Variants in MOCOS observed in about 807,000 individuals in gnomAD.
MOCOS encodes the protein human molybdenum cofactor sulfurase.
In MOCOS, 86 loss-of-function variants were observed where a neutral mutation model predicts 83.6. The ratio of observed to expected loss-of-function variants is 1.03; its 90% confidence interval spans 0.86 to 1.23. The LOEUF (loss-of-function observed/expected upper bound fraction) is 1.23, where lower values mean the gene tolerates loss of function less well. Ranked by LOEUF, MOCOS falls within the 50% of genes most tolerant of loss-of-function variation. MOCOS has a pLI of 0.00. For missense variants in MOCOS, 1,120 were observed against 1,126.9 expected (o/e 0.99, Z 0.09); for synonymous variants, 445 against 434.7 (o/e 1.02, Z -0.29).
chr18:36,247,830 C>T (rs980876797), intron 9 of MOCOS, among the ~76,000 whole-genome samples: 20 of 152,158 alleles, frequency 1.3e-4, no homozygotes, highest in African/African-American at 4.3e-4. Flanking sequence ...GTTCCTGCAG[C>T]GGTTCATGCA....
chr18:36,208,852 G>A (rs888881270), intron 6 of MOCOS, among the ~76,000 whole-genome samples: 3 of 152,184 alleles, frequency 2.0e-5, no homozygotes, highest in African/African-American at 7.2e-5. Flanking sequence ...GGTGAGAGAG[G>A]TCATCCTTAT....
intron 13 of MOCOS, among the ~76,000 whole-genome samples, chr18:36,264,702 T>G (rs116632098): frequency 0.019 from 2,825 of 152,154 alleles, 96 homozygotes; most frequent in African/African-American, 0.064. Context: ...CCTGGGAATC[T>G]TGACTTCGGT....
intron 7 of MOCOS, among the ~76,000 whole-genome samples, chr18:36,214,094 A>G (rs1446527451): frequency 2.0e-5 from 3 of 151,696 alleles, no homozygotes; most frequent in African/African-American, 7.3e-5. Flanking sequence ...ATATAAAATT[A>G]TCCAGGTGTG....
intron 12 of MOCOS, 118 bp downstream of exon 12, chr18:36,257,191 T>G (rs1230679966): frequency 8.9e-6 from 8 of 898,238 alleles, no homozygotes; most frequent in Admixed American, 1.8e-5. Context: ...CCCTGCTTCA[T>G]GTACAGATGA....
chr18:36,249,905 G>A (rs2144138962), intron 10 of MOCOS, among the ~76,000 whole-genome samples: 1 of 152,234 alleles, frequency 6.6e-6, no homozygotes, highest in Admixed American at 6.5e-5. Flanking sequence ...TATCTAATCT[G>A]GTTTGCTGAT....
At chr18:36,213,558 G>A (rs2144914370) in intron 7 of MOCOS, 76 bp downstream of exon 7, 3 of 1,189,128 alleles carry the variant, frequency 2.5e-6, no homozygotes, top group Middle Eastern at 5.3e-4. Context: ...TGTGTCTGGG[G>A]TGGGGGCTGC....
At chr18:36,255,286 C>T (rs954406545) in intron 11 of MOCOS, among the ~76,000 whole-genome samples, 5 of 152,112 alleles carry the variant, frequency 3.3e-5, no homozygotes, top group African/African-American at 1.2e-4. Context: ...TCACTCAAAC[C>T]TTGCTTCTGA....
intron 13 of MOCOS, among the ~76,000 whole-genome samples, chr18:36,262,241 G>C (rs544882597): frequency 1.3e-4 from 1 of 7,582 alleles, no homozygotes; most frequent in South Asian, 4.9e-3. Flanking sequence ...GCAAGACTTC[G>C]TCTCTCTCTA....
At chr18:36,212,972 G>GA (rs1353758349) in intron 6 of MOCOS, among the ~76,000 whole-genome samples, 1 of 152,188 alleles carries the variant, frequency 6.6e-6, no homozygotes, top group Non-Finnish European at 1.5e-5. Flanking sequence ...CAGAGGGCAG[G>GA]AAAGAGCTTT....
chr18:36,198,519 A>G lies in MOCOS; in HGVS notation c.233-171A>G, dbSNP rs1319239432. Reference sequence around the variant, plus strand: ...TACGAACATTCCCATGCAAGTCTGTATGGACATAAGTTTTCATTTTTGAGG... The same window carrying G: ...TACGAACATTCCCATGCAAGTCTGTGTGGACATAAGTTTTCATTTTTGAGG... On this transcript the variant is annotated intron_variant, in intron 2 of 14. Coordinates refer to ENST00000261326, the MANE Select transcript of MOCOS (RefSeq NM_017947.4). 3.3e-5 allele frequency among the ~76,000 whole-genome samples: 5 copies of G among 152,218 alleles called. No individual in the cohort carries two copies. The South Asian group carries it at 8.3e-4, about 25-fold the overall frequency.
Position 36,216,907 on chromosome 18 carries a change from G to A in MOCOS, c.1797+930G>A, listed in dbSNP as rs191970674. Among the ~76,000 whole-genome samples the A allele has an allele frequency of 1.7e-3, 263 of 152,288 alleles. 1 individual carries two copies. The highest frequency in any genetic ancestry group is 3.1e-3 in the Non-Finnish European group (212 of 68,030). ...TGGGATGTACAGAGAAGAACATAGC[G>A]TTGGTCCTGAGGCATTCCTACCAAA... On this transcript the variant is annotated intron_variant, in intron 8 of 14. Coordinates refer to ENST00000261326, the MANE Select transcript of MOCOS (RefSeq NM_017947.4).
intron 9 of MOCOS, among the ~76,000 whole-genome samples, chr18:36,241,964 G>T (rs1444911388): frequency 6.6e-6 from 1 of 152,212 alleles, no homozygotes; most frequent in Admixed American, 6.5e-5. Context: ...GGGGCCCTGA[G>T]CCTGACCCGC....
At chr18:36,196,625 AT>A (rs2091388575) in intron 2 of MOCOS, among the ~76,000 whole-genome samples, 1 of 152,058 alleles carries the variant, frequency 6.6e-6, no homozygotes, top group African/African-American at 2.4e-5. Context: ...CCAAGGAGGG[AT>A]TTATCCTGAT....
rs761469965 is a variant in MOCOS, at chr18:36,268,591, T to G, written c.2573T>G (p.Leu858Arg). The G allele has an allele frequency of 6.2e-7, 1 of 1,614,204 alleles. No homozygotes were observed. Residue 858 changes from leucine to arginine, a missense_variant, in exon 15 of 15, where the codon CTG becomes CGG. By Grantham distance (102) the Leu-to-Arg change is moderately radical. Transcript: ENST00000261326. The part of the protein sequence containing the change: ...ASLDLSSPCF[L>R]SVGSQVLPVL... ...TTGGATTTATCCTCCCCATGTTTCC[T>G]GTCTGTAGGATCTCAGGTGCTCCCT...
At position 36,199,686 on chromosome 18, in the gene MOCOS, C is replaced by T; in HGVS notation, c.303C>T (p.Ile101=). 1 of 1,613,608 alleles carries T rather than the reference C, an allele frequency of 6.2e-7. No individual in the cohort carries two copies. Among genetic ancestry groups the T allele is most frequent in the Non-Finnish European group, 8.5e-7 (1 of 1,180,042 alleles). The change falls in exon 4 of 15, where the codon ATC becomes ATT. Residue 101 remains isoleucine, a synonymous_variant. Coordinates refer to ENST00000261326, the MANE Select transcript of MOCOS (RefSeq NM_017947.4). ...GGGGATGCTGTGCTTCTTCCAGAAT[C>T]CTGGCGCACTTCCACACCACCGCAG... is the stretch of plus-strand genomic sequence containing the variant. ...HDTVEQVRYR[I]LAHFHTTAED... is the part of the protein sequence containing the mutation.
chr18:36,233,314 G>A (rs2091545646), intron 9 of MOCOS, among the ~76,000 whole-genome samples: 1 of 151,984 alleles, frequency 6.6e-6, no homozygotes, highest in Admixed American at 6.6e-5. Context: ...AAAAATAATG[G>A]TCTCCAACTC....
chr18:36,257,769 T>C (rs2091648284), intron 12 of MOCOS, among the ~76,000 whole-genome samples: 1 of 152,294 alleles, frequency 6.6e-6, no homozygotes, highest in African/African-American at 2.4e-5. Flanking sequence ...AGGCCAGAGA[T>C]GAGTGTTGTT....
intron 9 of MOCOS, among the ~76,000 whole-genome samples, chr18:36,225,648 G>A (rs1450389746): frequency 6.6e-6 from 1 of 151,996 alleles, no homozygotes; most frequent in Non-Finnish European, 1.5e-5. Context: ...TAGGTTGTTT[G>A]AGATCTTTCT....
chr18:36,205,685 G>A (rs903449011), intron 6 of MOCOS, among the ~76,000 whole-genome samples: 4 of 152,172 alleles, frequency 2.6e-5, no homozygotes, highest in Non-Finnish European at 4.4e-5. Flanking sequence ...GGATTCAATC[G>A]TTGGGTGTTT....
Sources: gnomAD v4.1 joint callset for allele counts (sites outside exome capture counted in the v4.1 genomes callset) on GRCh38, gnomAD v4.1.1 for gene constraint, MANE v1.5 for transcripts, NCBI Gene and HGNC (gene_info 2026-07-23, HGNC 2026-07-21) for gene names.